Variants in PNLDC1 observed in about 807,000 individuals in gnomAD.
PNLDC1 encodes the protein PARN like ribonuclease domain containing exonuclease 1.
Under a neutral mutation model 82.0 loss-of-function variants are expected in PNLDC1, and 70 were observed. The ratio of observed to expected loss-of-function variants is 0.85; its 90% CI spans 0.70 to 1.04. The LOEUF (loss-of-function observed/expected upper bound fraction) is 1.04. Among genes scored for constraint, PNLDC1 ranks in the 50% least tolerant of loss-of-function variants. The pLI is 0.00. For synonymous variants in PNLDC1, 280 were observed against 249.3 expected, an observed-to-expected ratio of 1.12 and a Z score of -1.16; for missense variants, 631 against 661.1, an observed-to-expected ratio of 0.95 and a Z score of 0.50.
At chr6:159,807,140 A>C (rs1781478020) in intron 7 of PNLDC1, among the ~76,000 whole-genome samples, 1 of 151,908 alleles carries the variant, frequency 6.6e-6, no homozygotes, top group Non-Finnish European at 1.5e-5. Flanking sequence ...TGATCCTCCC[A>C]CCTTGGCCTC....
At position 159,806,089 on chromosome 6, in the gene PNLDC1, C is replaced by T. The variant is rs1409296137; in HGVS notation, c.562+6C>T. 2 of 1,610,172 alleles carry T rather than the reference C, an allele frequency of 1.2e-6. No individual in the cohort carries two copies. Among genetic ancestry groups the T allele is most frequent in the Non-Finnish European group, 1.7e-6 (2 of 1,176,514 alleles). ...GACTCTTCCTGGGATCACTGGTAGG[C>T]AGGGCCTGTTCCTCCCAACGCAGGA... On this transcript the variant is annotated splice_donor_region_variant and intron_variant, in intron 7 of 18. Coordinates refer to ENST00000392167, the MANE Select transcript of PNLDC1 (RefSeq NM_001271862.2).
Position 159,816,551 on chromosome 6 carries a change from A to G in PNLDC1, c.1069A>G (p.Lys357Glu), listed in dbSNP as rs748114012. Residue 357 changes from lysine to glutamate, a missense_variant, in exon 14 of 19, where the codon AAG (lysine) becomes GAG (glutamate). Transcript: ENST00000392167. ...GGTGGAAAATGCCTCAGTTGAGACA[A>G]AGTGCCCCCACGAAGCCGCGTATGA... is the stretch of plus-strand genomic sequence containing the variant. ...ASRCEKYVET[K>E]CPHEAAYDAF... 2 of 1,613,670 alleles carry G rather than the reference A, an allele frequency of 1.2e-6. No individual in the cohort carries two copies. Among genetic ancestry groups the G allele is most frequent in the South Asian group, 1.1e-5 (1 of 91,078 alleles).
chr6:159,816,971 T>G lies in PNLDC1; in HGVS notation c.1115-138T>G. On this transcript the variant is annotated intron_variant, in intron 14 of 18. Transcript: ENST00000392167. ...TGAGCCACCACACCCAGCTGGAGAC[T>G]TACTTTTTGTTGGCAGTATGCCCCT... 4 of 889,254 alleles carry G rather than the reference T, an allele frequency of 4.5e-6. No individual in the cohort carries two copies. The South Asian group carries it at 6.0e-5, about 13-fold the overall frequency. The allele number at this position is 889,254 out of a possible 1,614,324, so 55.1% of individuals were successfully genotyped here.
rs1279258614 is a variant in PNLDC1 at position 159,820,267 on chromosome 6, A to G, written c.1533-187A>G. ...TCCGAGGCAAACCCTTTTTCTTTCA[A>G]CCTGCGGTTTGCATCCCAGAGCCAG... On this transcript the variant is annotated intron_variant, in intron 18 of 18. Transcript: ENST00000392167. Among the ~76,000 whole-genome samples, 3 of 152,284 alleles carry G rather than the reference A, an allele frequency of 2.0e-5. No individual in the cohort carries two copies. In the Middle Eastern group the frequency reaches 0.01, roughly 518 times the overall value.
intron 4 of PNLDC1, 22 bp from the exon 5 acceptor site, chr6:159,803,943 C>T (rs1562496869): frequency 1.3e-6 from 2 of 1,599,018 alleles, no homozygotes; most frequent in South Asian, 1.1e-5. Context: ...GGCTTTTTCT[C>T]TGTATGTTTG....
chr6:159,816,117 C>CCCACCCCCCTCCCCCCCCACCCG (rs1781807020), intron 13 of PNLDC1, 84 bp downstream of exon 13: 18 of 1,028,472 alleles, frequency 1.8e-5, no homozygotes, highest in South Asian at 4.6e-5. Flanking sequence ...CCCTGGTTCC[C>CCCACCCCCCTCCCCCCCCACCCG]CCACACCCCT....
In PNLDC1 at chr6:159,815,949, C is replaced by T. The variant is rs1459796992; in HGVS notation, c.996-20C>T. The T allele has an allele frequency of 1.2e-6, 2 of 1,600,008 alleles. No individual in the cohort carries two copies. Among genetic ancestry groups the T allele is most frequent in the Admixed American group, 1.7e-5 (1 of 59,914 alleles). On this transcript the variant is annotated intron_variant, in intron 12 of 18. Coordinates refer to ENST00000392167, the MANE Select transcript of PNLDC1 (RefSeq NM_001271862.2). ...TACTTTCAGCAAATTGTTTTTTATT[C>T]TATTTTTCTTTTCCAATAGTGACTT...
intron 4 of PNLDC1, 44 bp downstream of exon 4, chr6:159,803,354 T>G: frequency 6.3e-7 from 1 of 1,578,202 alleles, no homozygotes; most frequent in Non-Finnish European, 8.7e-7. Flanking sequence ...TTCCCACCTA[T>G]GTTCCACAGC....
rs758756203 is a variant in PNLDC1, at chr6:159,804,577, A to G, written c.401A>G (p.Asn134Ser). 42 of 1,608,448 alleles carry G rather than the reference A, an allele frequency of 2.6e-5. No homozygotes were observed. Among genetic ancestry groups the G allele is most frequent in the Non-Finnish European group, 3.5e-5 (41 of 1,174,986 alleles). The change falls in exon 6 of 19, where the codon AAT becomes AGT. Residue 134 changes from asparagine (N) to serine (S), a missense_variant. Coordinates refer to ENST00000392167, the MANE Select transcript of PNLDC1 (RefSeq NM_001271862.2). ...KFLKNGIPYM[N>S]EEQEKKIRHD... ...CTCAAAAACGGAATCCCATATATGAATGAAGAACAGGAGAAGAAAATTAGA... is the reference window on the plus strand; with the variant it reads ...CTCAAAAACGGAATCCCATATATGAGTGAAGAACAGGAGAAGAAAATTAGA...
In PNLDC1 at chr6:159,814,254, G is replaced by A. The variant is rs116004801; in HGVS notation, c.995+598G>A. The stretch of plus-strand genomic sequence containing the variant: ...GTCAGCAGGACGAGGCACGAGAGGC[G>A]TTTGGAACAGGGATGGCACCCTGTT... On this transcript the variant is annotated intron_variant, in intron 12 of 18. Transcript: ENST00000392167. Among the ~76,000 whole-genome samples the A allele has an allele frequency of 4.7e-3, 718 of 152,318 alleles. 4 individuals carry two copies. Among genetic ancestry groups the A allele is most frequent in the African/African-American group, 0.016 (676 of 41,564 alleles).
intron 10 of PNLDC1, among the ~76,000 whole-genome samples, chr6:159,810,454 T>G (rs1781609562): frequency 6.6e-6 from 1 of 152,254 alleles, no homozygotes; most frequent in South Asian, 2.1e-4. Context: ...GATTACACTA[T>G]TTGATTTTTG....
At chr6:159,807,919 CTT>C (rs781388141) in intron 7 of PNLDC1, among the ~76,000 whole-genome samples, 2 of 143,298 alleles carry the variant, frequency 1.4e-5, no homozygotes, top group Non-Finnish European at 1.5e-5. Context: ...TTTTTTTTTT[CTT>C]TTTTTTTTTT....
intron 11 of PNLDC1, among the ~76,000 whole-genome samples, chr6:159,813,107 T>C (rs913458275): frequency 2.6e-5 from 4 of 152,162 alleles, no homozygotes; most frequent in Non-Finnish European, 5.9e-5. Flanking sequence ...CCCTTACAAG[T>C]GAATTATCCA....
intron 4 of PNLDC1, 25 bp downstream of exon 4, chr6:159,803,335 CAT>C: frequency 6.2e-7 from 1 of 1,607,398 alleles, no homozygotes; most frequent in Non-Finnish European, 8.5e-7. Context: ...CTTCTGCAAA[CAT>C]AGGTGCTTCC....
rs1356525138 is a variant in PNLDC1, at chr6:159,816,030, T to TA, written c.1058dup (p.Tyr353Ter). 1 of 1,609,446 alleles carries TA rather than the reference T, an allele frequency of 6.2e-7. No homozygotes were observed. Among genetic ancestry groups the TA allele is most frequent in the Non-Finnish European group, 8.5e-7 (1 of 1,178,296 alleles). Residue 353 changes from tyrosine (Y) to a stop codon, truncating the protein, a stop_gained and frameshift_variant, in exon 13 of 19, where the codon TAT (tyrosine) becomes TAAT (stop). Transcript: ENST00000392167. LOFTEE classifies it high-confidence loss of function. ...EIVHASRCEK[Y>*]VETKCPHEAA... ...TGTTCACGCGAGCAGGTGTGAGAAA[T>TA]ATGGTACGTTCCCATGAGCCCATAA...
chr6:159,800,659 C>T (rs1323328440), intron 1 of PNLDC1, 113 bp from the exon 2 acceptor site: 1 of 485,580 alleles, frequency 2.1e-6, no homozygotes, highest in South Asian at 2.7e-5. Context: ...CCTCACTTGG[C>T]TTCTTGAGCG....
Position 159,800,811 on chromosome 6 carries a change from C to G in PNLDC1, c.116C>G (p.Ser39Cys). Residue 39 changes from serine to cysteine, a missense_variant, in exon 2 of 19, where the codon TCT (serine) becomes TGT (cysteine). Coordinates refer to ENST00000392167, the MANE Select transcript of PNLDC1 (RefSeq NM_001271862.2). ...TTCACGGGCCTTCGTTCTAACCTGTCTGGGCCCCAGCAGATCAGGTAAAAC... is the reference window on the plus strand; with the variant it reads ...TTCACGGGCCTTCGTTCTAACCTGTGTGGGCCCCAGCAGATCAGGTAAAAC... ...IEFTGLRSNLSGPQQISLFDL... is the reference protein window; with the variant it reads ...IEFTGLRSNLCGPQQISLFDL... 1.2e-6 allele frequency: 2 copies of G among 1,614,194 alleles called. No homozygotes were observed. Among genetic ancestry groups the G allele is most frequent in the Admixed American group, 1.7e-5 (1 of 60,028 alleles).
At chr6:159,805,470 A>T (rs1781413786) in intron 6 of PNLDC1, among the ~76,000 whole-genome samples, 1 of 152,214 alleles carries the variant, frequency 6.6e-6, no homozygotes, top group Admixed American at 6.5e-5. Flanking sequence ...TGGTTTTCAT[A>T]TAAAAATGTA....
intron 11 of PNLDC1, 52 bp downstream of exon 11, chr6:159,811,838 CACTT>C: frequency 7.8e-7 from 1 of 1,274,974 alleles, no homozygotes; most frequent in South Asian, 1.3e-5. Flanking sequence ...ATACCAGTAA[CACTT>C]AGCTTTCTCT....
Sources: gnomAD v4.1 joint callset for allele counts (sites outside exome capture counted in the v4.1 genomes callset) on GRCh38, gnomAD v4.1.1 for gene constraint, MANE v1.5 for transcripts, NCBI Gene and HGNC (gene_info 2026-07-23, HGNC 2026-07-21) for gene names.